FGF2: variants seen among roughly 807,000 people sequenced by gnomAD.
FGF2 encodes basic fibroblast growth factor bFGF.
In FGF2, 13 loss-of-function variants were observed where a neutral mutation model predicts 15.9. The observed-to-expected ratio is 0.82, with a 90% CI of 0.53 to 1.30. The LOEUF (loss-of-function observed/expected upper bound fraction) is 1.30. Ranked by LOEUF, FGF2 falls within the 50% of genes most tolerant of loss-of-function variation. The probability of loss-of-function intolerance (pLI) is 0.00; values close to 1 mark genes in which losing one functional copy is unlikely to be tolerated. For missense variants in FGF2, 163 were observed against 196.9 expected (o/e 0.83, Z 1.03); for synonymous variants, 90 against 78.4 (o/e 1.15, Z -0.78).
chr4:122,849,937 C>G lies in FGF2; in HGVS notation c.178+22585C>G, dbSNP rs564655677. On this transcript the variant is annotated intron_variant, in intron 1 of 2. Transcript: ENST00000644866. ...TTTCCAGAACATTGTGTATGTTGAACATTGTGTATGTTCAACAATGTATGT... is the reference window on the plus strand; with the variant it reads ...TTTCCAGAACATTGTGTATGTTGAAGATTGTGTATGTTCAACAATGTATGT... 5.0e-4 allele frequency among the ~76,000 whole-genome samples: 76 copies of G among 152,276 alleles called. 1 individual carries two copies. The South Asian group carries it at 0.016, about 32-fold the overall frequency.
chr4:122,842,078 C>T (rs1476571816), intron 1 of FGF2, among the ~76,000 whole-genome samples: 3 of 152,192 alleles, frequency 2.0e-5, no homozygotes, highest in African/African-American at 4.8e-5. Context: ...TTGGATTCCT[C>T]TCTTTTTCTA....
chr4:122,851,316 A>T (rs1726227127), intron 1 of FGF2, among the ~76,000 whole-genome samples: 1 of 152,124 alleles, frequency 6.6e-6, no homozygotes, highest in Non-Finnish European at 1.5e-5. Context: ...AGACTAGATG[A>T]TTTCTCAGGG....
chr4:122,839,094 A>C (rs1291982409), intron 1 of FGF2, among the ~76,000 whole-genome samples: 3 of 152,094 alleles, frequency 2.0e-5, no homozygotes, highest in Non-Finnish European at 2.9e-5. Flanking sequence ...GTGTAAGTAC[A>C]CTCTATGATG....
chr4:122,841,968 T>C (rs941367288), intron 1 of FGF2, among the ~76,000 whole-genome samples: 1 of 152,242 alleles, frequency 6.6e-6, no homozygotes, highest in Non-Finnish European at 1.5e-5. Context: ...TTTTTGGCTA[T>C]GCTTAATGAT....
At chr4:122,826,812 A>G, upstream of FGF2, 1 of 1,448,126 alleles carries the variant, frequency 6.9e-7, no homozygotes, top group Non-Finnish European at 9.2e-7. Flanking sequence ...AGAAGATGTG[A>G]CGCCGCGGCC....
intron 2 of FGF2, among the ~76,000 whole-genome samples, chr4:122,890,711 G>C (rs990128237): frequency 3.3e-5 from 5 of 152,112 alleles, no homozygotes; most frequent in Admixed American, 2.6e-4. Flanking sequence ...TCTGGGAAAA[G>C]GTTCAAGTCT....
chr4:122,892,288 C>T lies in FGF2; in HGVS notation c.360C>T (p.Tyr120=). ...ACAATACTTACCGGTCAAGGAAATA[C>T]ACCAGTTGGTATGTGGCACTGAAAC... ...NNYNTYRSRK[Y]TSWYVALKRT... Residue 120 remains tyrosine, a synonymous_variant, in exon 3 of 3, where the codon TAC becomes TAT. Coordinates refer to ENST00000644866, the MANE Select transcript of FGF2 (RefSeq NM_001361665.2). 1.2e-6 allele frequency: 2 copies of T among 1,613,608 alleles called. No homozygotes were observed. The highest frequency in any genetic ancestry group is 1.7e-6 in the Non-Finnish European group (2 of 1,179,564).
At position 122,894,541 on chromosome 4, in the gene FGF2, C is replaced by T. The variant is rs1191394129; in HGVS notation, c.*2145C>T. 4.6e-5 allele frequency: 7 copies of T among 152,106 alleles called. No individual in the cohort carries two copies. Among genetic ancestry groups the T allele is most frequent in the African/African-American group, 1.7e-4 (7 of 41,398 alleles). The allele number at this position is 152,106 out of a possible 1,614,324, so 9.4% of individuals were successfully genotyped here. A position where few individuals can be genotyped will look rare whatever the true frequency, so the allele number is the denominator to read the frequency against. On this transcript the variant is annotated 3_prime_UTR_variant, in exon 3 of 3. Coordinates refer to ENST00000644866, the MANE Select transcript of FGF2 (RefSeq NM_001361665.2). ...GGTCAAGGTTGCAGTGAGCCATAAT[C>T]GTGCCACTGCAGTCCAGCCTAGGCA...
chr4:122,885,689 A>G (rs990593498), intron 2 of FGF2, among the ~76,000 whole-genome samples: 1 of 152,080 alleles, frequency 6.6e-6, no homozygotes. Context: ...CCATACTGAT[A>G]TGTTATTATT....
chr4:122,833,136 G>T (rs150011292), intron 1 of FGF2, among the ~76,000 whole-genome samples: 337 of 152,034 alleles, frequency 2.2e-3, no homozygotes, highest in African/African-American at 7.9e-3. Context: ...TGACTTGACC[G>T]GTGTATCTTT....
rs1447999117 is a variant in FGF2 at position 122,876,882 on chromosome 4, G to A, written c.282+458G>A. ...AAGCTTTCTGCCTGGTACAGATGCC[G>A]ACTCTGCCACTTATGAGCTCTGTGT... On this transcript the variant is annotated intron_variant, in intron 2 of 2. Coordinates refer to ENST00000644866, the MANE Select transcript of FGF2 (RefSeq NM_001361665.2). Among the ~76,000 whole-genome samples the A allele has an allele frequency of 2.6e-5, 4 of 152,226 alleles. No individual in the cohort carries two copies. The East Asian group carries it at 7.7e-4, about 29-fold the overall frequency.
chr4:122,870,590 C>G (rs1240191464), intron 1 of FGF2, among the ~76,000 whole-genome samples: 1 of 152,020 alleles, frequency 6.6e-6, no homozygotes, highest in African/African-American at 2.4e-5. Flanking sequence ...CAGTTTCTTC[C>G]AGATTTTCTA....
intron 1 of FGF2, among the ~76,000 whole-genome samples, chr4:122,863,454 G>C (rs1162610090): frequency 6.6e-6 from 1 of 152,080 alleles, no homozygotes; most frequent in East Asian, 1.9e-4. Flanking sequence ...TAAGTGTTTA[G>C]AACAGGCATG....
intron 1 of FGF2, among the ~76,000 whole-genome samples, chr4:122,850,312 A>G (rs920914097): frequency 1.3e-5 from 2 of 152,134 alleles, no homozygotes; most frequent in Non-Finnish European, 1.5e-5. Flanking sequence ...AGTTGAGCAA[A>G]ATGTTATATA....
chr4:122,849,222 A>T (rs1398446189), intron 1 of FGF2, among the ~76,000 whole-genome samples: 2 of 152,226 alleles, frequency 1.3e-5, no homozygotes, highest in Non-Finnish European at 2.9e-5. Flanking sequence ...TCAATGATAG[A>T]CTAGATAAAG....
chr4:122,849,539 G>T (rs1281805691), intron 1 of FGF2, among the ~76,000 whole-genome samples: 3 of 151,958 alleles, frequency 2.0e-5, no homozygotes, highest in East Asian at 3.9e-4. Flanking sequence ...ACCATGGCAC[G>T]TGTATACCTG....
rs151251056 is a variant in FGF2, at chr4:122,868,124, T to C, written c.179-8197T>C. Reference sequence around the variant, plus strand: ...TATTCAGTGTTATTATTGATATGGTTAGTTTAAATCTGACATTTTGCTATT... The same window carrying C: ...TATTCAGTGTTATTATTGATATGGTCAGTTTAAATCTGACATTTTGCTATT... On this transcript the variant is annotated intron_variant, in intron 1 of 2. Coordinates refer to ENST00000644866, the MANE Select transcript of FGF2 (RefSeq NM_001361665.2). 1.8e-3 allele frequency among the ~76,000 whole-genome samples: 276 copies of C among 152,308 alleles called. 2 individuals carry two copies. Among genetic ancestry groups the C allele is most frequent in the African/African-American group, 6.4e-3 (264 of 41,560 alleles).
At position 122,897,933 on chromosome 4, in the gene FGF2, A is replaced by G. The variant is rs942779061; in HGVS notation, c.*5537A>G. ...TGGTTTTGTTTGGTTAACGTGATAC[A>G]TTCTGTATGAATGAAACATTGGAGG... On this transcript the variant is annotated 3_prime_UTR_variant, in exon 3 of 3. Coordinates refer to ENST00000644866, the MANE Select transcript of FGF2 (RefSeq NM_001361665.2). 2 of 411,170 alleles carry G rather than the reference A, an allele frequency of 4.9e-6. No homozygotes were observed. The highest frequency in any genetic ancestry group is 8.7e-6 in the Non-Finnish European group (2 of 229,096). The allele number at this position is 411,170 out of a possible 1,614,324, so 25.5% of individuals were successfully genotyped here. A position where few individuals can be genotyped will look rare whatever the true frequency, so the allele number is the denominator to read the frequency against.
rs1025836377 is a variant in FGF2, at chr4:122,827,437, C to A, written c.178+85C>A. 8.9e-6 allele frequency: 13 copies of A among 1,464,610 alleles called. No homozygotes were observed. Among genetic ancestry groups the A allele is most frequent in the Middle Eastern group, 1.7e-4 (1 of 5,762 alleles). 90.7% of individuals were successfully genotyped at this position (1,464,610 alleles called of 1,614,324 possible). ...TCCCCTCCAGCCTGCACCCTCCTCC[C>A]GGATCTTCACTGCGACCCTAGCGCT... is the stretch of plus-strand genomic sequence containing the variant. On this transcript the variant is annotated intron_variant, in intron 1 of 2. Transcript: ENST00000644866. The surrounding 1 kb of genome is among the most constrained non-coding windows in gnomAD (Gnocchi z 4.2).
Sources: allele counts gnomAD v4.1 joint callset (sites outside exome capture counted in the v4.1 genomes callset), GRCh38; gene constraint gnomAD v4.1.1; non-coding constraint Gnocchi (gnomAD v3.1); transcripts MANE v1.5; gene names NCBI Gene and HGNC (gene_info 2026-07-23, HGNC 2026-07-21).